The following MAGI2 variants were observed in gnomAD, a reference collection of about 807,000 sequenced individuals.
The protein encoded by MAGI2 is membrane associated guanylate kinase, WW and PDZ domain containing 2.
A neutral mutation model predicts 133.3 loss-of-function variants in MAGI2; 35 were observed. The observed-to-expected ratio is 0.26, with a 90% CI of 0.20 to 0.35. MAGI2 has a LOEUF of 0.35. Ranked by LOEUF, MAGI2 falls within the 10% of genes least tolerant of loss-of-function variation. The pLI is 1.00. For missense variants in MAGI2, 1,636 were observed against 1,863.4 expected (o/e 0.88, Z 2.25); for synonymous variants, 729 against 710.6 (o/e 1.03, Z -0.41).
Position 78,521,456 on chromosome 7 carries a change from T to G in MAGI2, c.728A>C (p.Asn243Thr). Residue 243 changes from asparagine to threonine, a missense_variant, in exon 4 of 22, where the codon AAT becomes ACT. Around this residue, in one of 5 missense-constraint regions of MAGI2, gnomAD observed 165 missense variants for 128.4 expected, o/e 1.28. Transcript: ENST00000354212. ...TGGTGTTACTACTACTCCATTTCCA[T>G]TGACCACAGGCCTCTCTTCCTCTTC... ...EEEEEERPVV[N>T]GNGVVVTPES... is the part of the protein sequence containing the mutation. 6.2e-7 allele frequency: 1 copy of G among 1,614,060 alleles called. No individual in the cohort carries two copies. The highest frequency in any genetic ancestry group is 8.5e-7 in the Non-Finnish European group (1 of 1,180,018).
chr7:78,435,445 A>C (rs755870404), intron 6 of MAGI2, among the ~76,000 whole-genome samples: 4 of 152,084 alleles, frequency 2.6e-5, no homozygotes, highest in Non-Finnish European at 5.9e-5. Context: ...TCACCAGTGG[A>C]CAGCTCTCTG....
intron 1 of MAGI2, among the ~76,000 whole-genome samples, chr7:79,037,348 A>G (rs1811222564): frequency 6.6e-6 from 1 of 152,092 alleles, no homozygotes; most frequent in Admixed American, 6.6e-5. Context: ...GCGTTTCATG[A>G]CTACGTACTA....
intron 6 of MAGI2, among the ~76,000 whole-genome samples, chr7:78,446,145 A>G (rs900005283): frequency 4.2e-5 from 5 of 120,398 alleles, no homozygotes; most frequent in Admixed American, 2.0e-4. Context: ...TTGAAATACT[A>G]TATGTTTAAC....
rs564336142 is a variant in MAGI2 at position 79,125,508 on chromosome 7, T to C, written c.302-118302A>G. 8.6e-5 allele frequency: 44 copies of C among 513,826 alleles called. 2 individuals are homozygous for C. The highest frequency in any genetic ancestry group is 6.3e-4 in the South Asian group (42 of 66,654). The allele number at this position is 513,826 out of a possible 1,614,324, so 31.8% of individuals were successfully genotyped here. On this transcript the variant is annotated intron_variant, in intron 1 of 21. Transcript: ENST00000354212. Reference sequence around the variant, plus strand: ...GAGGAAGCAGACGCTATGGAAGTGGTGGACAGGGTTATAGAAACCAGGGCA... The same window carrying C: ...GAGGAAGCAGACGCTATGGAAGTGGCGGACAGGGTTATAGAAACCAGGGCA...
At chr7:79,066,560 C>T (rs565174726) in intron 1 of MAGI2, among the ~76,000 whole-genome samples, 9 of 152,126 alleles carry the variant, frequency 5.9e-5, no homozygotes, top group African/African-American at 1.7e-4. Context: ...TGCAGAAGCT[C>T]CTGTTCACTC....
At chr7:78,744,909 A>T (rs527317354) in intron 2 of MAGI2, among the ~76,000 whole-genome samples, 3 of 152,322 alleles carry the variant, frequency 2.0e-5, no homozygotes, top group African/African-American at 7.2e-5. Context: ...TTTATTGAGA[A>T]TTTACAATAT....
intron 10 of MAGI2, among the ~76,000 whole-genome samples, chr7:78,221,754 A>T (rs966655990): frequency 6.6e-6 from 1 of 151,810 alleles, no homozygotes; most frequent in Admixed American, 6.6e-5. Context: ...GCATTTTGAG[A>T]GGCTGAGGTG....
chr7:79,432,556 C>T (rs1847847960), intron 1 of MAGI2, among the ~76,000 whole-genome samples: 1 of 152,218 alleles, frequency 6.6e-6, no homozygotes, highest in African/African-American at 2.4e-5. Flanking sequence ...TGCATTTCCA[C>T]TACATGGTAG....
At chr7:78,624,539 T>C (rs968390804) in intron 3 of MAGI2, among the ~76,000 whole-genome samples, 1 of 152,082 alleles carries the variant, frequency 6.6e-6, no homozygotes, top group Non-Finnish European at 1.5e-5. Flanking sequence ...AGAAAACTAA[T>C]GCAGGAACAG....
At chr7:79,329,676 C>T (rs1202564314) in intron 1 of MAGI2, among the ~76,000 whole-genome samples, 2 of 152,172 alleles carry the variant, frequency 1.3e-5, no homozygotes, top group South Asian at 4.1e-4. Flanking sequence ...ATTTTTAGAT[C>T]CCGTCAACCA....
In MAGI2 at chr7:78,571,914, C is replaced by G. The variant is rs139063385; in HGVS notation, c.539-50269G>C. Among the ~76,000 whole-genome samples the G allele has an allele frequency of 2.6e-5, 4 of 152,174 alleles. No homozygotes were observed. In the East Asian group the frequency reaches 7.7e-4, roughly 29 times the overall value. Reference sequence around the variant, plus strand: ...AAAATTTTCATTTTGTAGACATGGGCTCTTTCCAGATATTTCTAACATTCA... The same window carrying G: ...AAAATTTTCATTTTGTAGACATGGGGTCTTTCCAGATATTTCTAACATTCA... On this transcript the variant is annotated intron_variant, in intron 3 of 21. Coordinates refer to ENST00000354212, the MANE Select transcript of MAGI2 (RefSeq NM_012301.4).
chr7:79,093,814 A>C (rs1470796611), intron 1 of MAGI2, among the ~76,000 whole-genome samples: 1 of 150,520 alleles, frequency 6.6e-6, no homozygotes, highest in African/African-American at 2.5e-5. Context: ...TTCTGGGTTC[A>C]AGTGATTCTC....
At chr7:78,222,115 GT>G (rs1788894097) in intron 10 of MAGI2, among the ~76,000 whole-genome samples, 1 of 151,858 alleles carries the variant, frequency 6.6e-6, no homozygotes, top group East Asian at 1.9e-4. Flanking sequence ...GAGATGAGAG[GT>G]TTATGCTGGG....
At chr7:78,383,980 T>C (rs1441690551) in intron 6 of MAGI2, among the ~76,000 whole-genome samples, 1 of 152,194 alleles carries the variant, frequency 6.6e-6, no homozygotes, top group Non-Finnish European at 1.5e-5. Context: ...AATACCATGT[T>C]GTTTTGGTTA....
At chr7:79,012,946 AC>A (rs1314504804) in intron 1 of MAGI2, among the ~76,000 whole-genome samples, 6 of 152,112 alleles carry the variant, frequency 3.9e-5, no homozygotes, top group Non-Finnish European at 5.9e-5. Flanking sequence ...TTATAAGGGT[AC>A]CAATCCCATT....
At chr7:78,499,055 A>AAAC (rs147914906) in intron 5 of MAGI2, among the ~76,000 whole-genome samples, 12,836 of 150,438 alleles carry the variant, frequency 0.085, 682 homozygotes, top group Non-Finnish European at 0.12. Context: ...CTACAAACTC[A>AAAC]AACAACAACA....
chr7:79,336,212 A>G (rs1017479239), intron 1 of MAGI2, among the ~76,000 whole-genome samples: 1 of 152,050 alleles, frequency 6.6e-6, no homozygotes, highest in African/African-American at 2.4e-5. Context: ...ACTATTCTGT[A>G]TCCATTTAGG....
intron 6 of MAGI2, among the ~76,000 whole-genome samples, chr7:78,413,907 T>A (rs1202156833): frequency 1.3e-5 from 2 of 152,108 alleles, no homozygotes; most frequent in Admixed American, 1.3e-4. Context: ...ATTTTAATTT[T>A]TACTCAGAAT....
At chr7:79,052,710 C>A (rs1206912680) in intron 1 of MAGI2, among the ~76,000 whole-genome samples, 1 of 152,116 alleles carries the variant, frequency 6.6e-6, no homozygotes, top group Admixed American at 6.6e-5. Flanking sequence ...AAAAATTGGT[C>A]TATCTTTTAT....
Sources: gnomAD v4.1 joint callset for allele counts (sites outside exome capture counted in the v4.1 genomes callset) on GRCh38, gnomAD v4.1.1 for gene constraint, gnomAD v4.1.1 regional missense constraint, MANE v1.5 for transcripts, NCBI Gene and HGNC (gene_info 2026-07-23, HGNC 2026-07-21) for gene names.